Variants in DNAH17 observed in about 807,000 individuals in gnomAD.
The protein encoded by DNAH17 is dynein axonemal heavy chain 17, also known as axonemal beta dynein heavy chain 17.
In DNAH17, 376 loss-of-function variants were observed where a neutral mutation model predicts 485.6. The ratio of observed to expected loss-of-function variants is 0.77; its 90% confidence interval spans 0.71 to 0.84. DNAH17 has a LOEUF of 0.84. Among genes scored for constraint, DNAH17 ranks in the 40% least tolerant of loss-of-function variants. The probability of loss-of-function intolerance (pLI) is 0.00; values close to 1 mark genes in which losing one functional copy is unlikely to be tolerated. For missense variants in DNAH17, 6,370 were observed against 5,839.3 expected, an observed-to-expected ratio of 1.09 and a Z score of -2.96; for synonymous variants, 3,031 against 2,405.9, an observed-to-expected ratio of 1.26 and a Z score of -7.60.
intron 25 of DNAH17, chr17:78,522,233 G>C (rs1006031929): frequency 5.6e-6 from 1 of 177,320 alleles, no homozygotes; most frequent in African/African-American, 2.4e-5. Flanking sequence ...CAGCTGAGCC[G>C]AGCCACGGCC....
At chr17:78,512,940 CAA>C (rs57734613) in intron 26 of DNAH17, among the ~76,000 whole-genome samples, 22,795 of 81,322 alleles carry the variant, frequency 0.28, 1,218 homozygotes, top group East Asian at 0.4. Flanking sequence ...GACTCTAACT[CAA>C]AAAAAAAAAA....
intron 61 of DNAH17, 121 bp downstream of exon 61, chr17:78,458,880 T>G: frequency 1.7e-6 from 2 of 1,201,376 alleles, no homozygotes; most frequent in Non-Finnish European, 1.2e-6. Context: ...TGCATCCTCT[T>G]GCACTGCTGA....
chr17:78,428,425 C>G (rs965002885), intron 77 of DNAH17, 100 bp downstream of exon 77: 1 of 1,418,458 alleles, frequency 7.0e-7, no homozygotes, highest in African/African-American at 1.4e-5. Flanking sequence ...GTGTACCTCA[C>G]CAGCAAGTTC....
chr17:78,489,437 C>T (rs1211454131), intron 44 of DNAH17: 1 of 152,382 alleles, frequency 6.6e-6, no homozygotes, highest in Admixed American at 6.5e-5. Flanking sequence ...GCTGCCTCCT[C>T]CATACCTCAT....
chr17:78,513,499 G>C (rs984523738), intron 26 of DNAH17, among the ~76,000 whole-genome samples: 3 of 152,144 alleles, frequency 2.0e-5, no homozygotes, highest in African/African-American at 7.2e-5. Flanking sequence ...ACAGTGGCAT[G>C]ATCTCGGCTC....
rs573906659 is a variant in DNAH17 at position 78,496,094 on chromosome 17, G to C, written c.5746-62C>G. 6.5e-6 allele frequency: 10 copies of C among 1,536,696 alleles called. No homozygotes were observed. The East Asian group carries it at 1.6e-4, about 25-fold the overall frequency. On this transcript the variant is annotated intron_variant, in intron 37 of 80. Transcript: ENST00000389840. ...ATGGCCAGCTTCCACACACCAGAGA[G>C]GCCTTCACATATGTTAAAGCATGAG... is the stretch of plus-strand genomic sequence containing the variant.
chr17:78,543,691 C>T, intron 17 of DNAH17, 166 bp downstream of exon 17: 3 of 1,024,820 alleles, frequency 2.9e-6, no homozygotes. Flanking sequence ...TCCCAGAGTG[C>T]TGGGATTACA....
intron 47 of DNAH17, chr17:78,485,286 C>A (rs1469814644): frequency 1.1e-5 from 7 of 623,398 alleles, no homozygotes; most frequent in East Asian, 2.8e-5. Context: ...CTTAGATTGG[C>A]TGAGACACTC....
At chr17:78,440,242 TGC>T (rs931836935) in intron 72 of DNAH17, among the ~76,000 whole-genome samples, 3 of 130,620 alleles carry the variant, frequency 2.3e-5, no homozygotes, top group South Asian at 2.7e-4. Context: ...GCCGACTTCA[TGC>T]TTTTTTTTTT....
intron 37 of DNAH17, chr17:78,498,768 T>C: frequency 2.8e-6 from 1 of 359,638 alleles, no homozygotes; most frequent in Non-Finnish European, 5.0e-6. Context: ...TTCTCCCACC[T>C]GTATTTTGTT....
chr17:78,494,927 C>T, intron 39 of DNAH17, 32 bp downstream of exon 39: 1 of 1,595,604 alleles, frequency 6.3e-7, no homozygotes, highest in South Asian at 1.1e-5. Context: ...AACTCCCACC[C>T]ACACCCGCCG....
In DNAH17 at chr17:78,438,681, TAG is replaced by T. The variant is rs370745921; in HGVS notation, c.11805+407_11805+408del. On this transcript the variant is annotated intron_variant, in intron 73 of 80. Coordinates refer to ENST00000389840, the MANE Select transcript of DNAH17 (RefSeq NM_173628.4). ...ACTTGGCTAATTTTTGTATTTTTAGTAGAGACAGGGTTTCGCCATGTTGGTCA... is the reference window on the plus strand; with the variant it reads ...ACTTGGCTAATTTTTGTATTTTTAGTAGACAGGGTTTCGCCATGTTGGTCA... Among the ~76,000 whole-genome samples, 460 of 151,662 alleles carry T rather than the reference TAG, an allele frequency of 3.0e-3. 19 individuals carry two copies. The South Asian group carries it at 0.094, about 31-fold the overall frequency.
intron 19 of DNAH17, among the ~76,000 whole-genome samples, chr17:78,533,886 G>C (rs1168334526): frequency 6.6e-6 from 1 of 151,972 alleles, no homozygotes; most frequent in African/African-American, 2.4e-5. Flanking sequence ...GGGTTTCACC[G>C]TGTTGGTCAG....
intron 80 of DNAH17, 79 bp from the exon 81 acceptor site, chr17:78,424,232 A>T: frequency 6.6e-7 from 1 of 1,510,692 alleles, no homozygotes; most frequent in Non-Finnish European, 8.9e-7. Flanking sequence ...TGGGGTCCTC[A>T]CACTCCCCGC....
chr17:78,567,193 T>C, intron 9 of DNAH17, 27 bp from the exon 10 acceptor site: 1 of 1,573,806 alleles, frequency 6.4e-7, no homozygotes, highest in South Asian at 1.2e-5. Context: ...ACACAGTCAA[T>C]TCATCTTCAC....
rs752979642 is a variant in DNAH17 at position 78,552,701 on chromosome 17, G to C, written c.2283C>G (p.Gly761=). ...LSAETTLFWN[G]EGVFQYIQEV... ...GGAGGAATGTGGCCTCCGTACCTTC[G>C]CCATTCCAGAATAATGTCGTTTCAG... The change falls in exon 15 of 81, where the codon GGC becomes GGG. Residue 761 remains glycine, a synonymous_variant. Coordinates refer to ENST00000389840, the MANE Select transcript of DNAH17 (RefSeq NM_173628.4). The C allele has an allele frequency of 3.1e-6, 5 of 1,612,548 alleles. No individual in the cohort carries two copies. In the South Asian group the frequency reaches 4.4e-5, roughly 14 times the overall value.
chr17:78,484,764 C>A, intron 48 of DNAH17, 104 bp downstream of exon 48: 2 of 846,776 alleles, frequency 2.4e-6, no homozygotes, highest in South Asian at 2.0e-5. Flanking sequence ...CCACACCAGT[C>A]CTGCCCTACT....
intron 14 of DNAH17, among the ~76,000 whole-genome samples, chr17:78,557,833 A>T (rs763048155): frequency 2.0e-5 from 3 of 151,990 alleles, no homozygotes; most frequent in Non-Finnish European, 2.9e-5. Flanking sequence ...TTACACCAGA[A>T]GTTGTTGGGT....
chr17:78,564,017 A>G lies in DNAH17; in HGVS notation c.1570-2037T>C, dbSNP rs1176799055. Among the ~76,000 whole-genome samples the G allele has an allele frequency of 2.6e-5, 4 of 152,284 alleles. No individual in the cohort carries two copies. In the East Asian group the frequency reaches 5.8e-4, roughly 22 times the overall value. ...AGCCCAAAAGCCCCTCTTGACCCTA[A>G]CAGGTGCCAGGGATGCAGGGGAAAG... On this transcript the variant is annotated intron_variant, in intron 11 of 80. Transcript: ENST00000389840.
Sources: gnomAD v4.1 joint callset for allele counts (sites outside exome capture counted in the v4.1 genomes callset) on GRCh38, gnomAD v4.1.1 for gene constraint, MANE v1.5 for transcripts, NCBI Gene and HGNC (gene_info 2026-07-23, HGNC 2026-07-21) for gene names.